PDE8B: variants seen among roughly 807,000 people sequenced by gnomAD.
PDE8B encodes high affinity cAMP-specific and IBMX-insensitive 3',5'-cyclic phosphodiesterase 8B.
In PDE8B, 26 loss-of-function variants were observed where a neutral mutation model predicts 101.3. The observed-to-expected ratio is 0.26, with a 90% CI of 0.19 to 0.36. The LOEUF is 0.36. PDE8B is among the 10% of genes least tolerant of loss of function. The probability of loss-of-function intolerance (pLI) is 1.00; values close to 1 mark genes in which losing one functional copy is unlikely to be tolerated. For synonymous variants in PDE8B, 424 were observed against 429.3 expected (o/e 0.99, Z 0.15); for missense variants, 810 against 1,163.1 (o/e 0.70, Z 4.42).
chr5:77,286,300 G>A (rs573078575), intron 1 of PDE8B, among the ~76,000 whole-genome samples: 50 of 152,310 alleles, frequency 3.3e-4, no homozygotes, highest in African/African-American at 1.2e-3. Context: ...AACAGTTCCA[G>A]GATCAGCCAG....
At chr5:77,263,764 T>G (rs888081733) in intron 1 of PDE8B, among the ~76,000 whole-genome samples, 1 of 152,196 alleles carries the variant, frequency 6.6e-6, no homozygotes, top group Non-Finnish European at 1.5e-5. Flanking sequence ...TAATTCAATT[T>G]ATTTTTATAG....
the PDE8B span, chr5:77,118,734 A>G: frequency 5.2e-6 from 1 of 190,614 alleles, no homozygotes; most frequent in East Asian, 1.2e-4. Context: ...CCAGAGGTGC[A>G]GTTTTCTGGA....
chr5:77,203,791 C>A, the PDE8B span, among the ~76,000 whole-genome samples: 1 of 152,164 alleles, frequency 6.6e-6, no homozygotes, highest in Non-Finnish European at 1.5e-5. Context: ...ACGGTAGCCA[C>A]TCAGTAAGCA....
the PDE8B span, among the ~76,000 whole-genome samples, chr5:77,202,454 T>C: frequency 3.9e-5 from 6 of 152,310 alleles, no homozygotes; most frequent in African/African-American, 1.4e-4. Flanking sequence ...TGATGATCCA[T>C]TTTCACTTAA....
At chr5:77,173,841 C>A in the PDE8B span, among the ~76,000 whole-genome samples, 1 of 151,978 alleles carries the variant, frequency 6.6e-6, no homozygotes, top group Non-Finnish European at 1.5e-5. Flanking sequence ...GCGTGGCATG[C>A]GTTTTATTTT....
At chr5:77,286,703 T>C (rs1340234248) in intron 1 of PDE8B, among the ~76,000 whole-genome samples, 5 of 152,236 alleles carry the variant, frequency 3.3e-5, no homozygotes, top group African/African-American at 1.2e-4. Flanking sequence ...TAATTAGTCA[T>C]GTATTTGCAT....
At chr5:77,174,099 C>A in the PDE8B span, among the ~76,000 whole-genome samples, 1 of 152,166 alleles carries the variant, frequency 6.6e-6, no homozygotes, top group Non-Finnish European at 1.5e-5. Context: ...GTCTGCAGGT[C>A]TCCTTCTCAG....
At chr5:77,195,054 A>G in the PDE8B span, among the ~76,000 whole-genome samples, 1 of 152,230 alleles carries the variant, frequency 6.6e-6, no homozygotes, top group Admixed American at 6.5e-5. Context: ...TTGTGCTGCT[A>G]TAACAGAATA....
At chr5:77,136,843 G>A in the PDE8B span, among the ~76,000 whole-genome samples, 1 of 152,106 alleles carries the variant, frequency 6.6e-6, no homozygotes, top group Non-Finnish European at 1.5e-5. Flanking sequence ...TTCTGGTTCA[G>A]TTTTTCCTCC....
intron 1 of PDE8B, among the ~76,000 whole-genome samples, chr5:77,311,641 G>T (rs146947559): frequency 3.9e-5 from 6 of 152,272 alleles, no homozygotes; most frequent in Admixed American, 3.9e-4. Context: ...CACATAGTAG[G>T]TGCTCAATAA....
intron 6 of PDE8B, among the ~76,000 whole-genome samples, chr5:77,342,343 T>C (rs2150372865): frequency 6.6e-6 from 1 of 152,324 alleles, no homozygotes; most frequent in East Asian, 1.9e-4. Flanking sequence ...ATTTTATGGA[T>C]GAGGAAACTG....
intron 6 of PDE8B, among the ~76,000 whole-genome samples, chr5:77,342,778 A>G (rs1423224940): frequency 6.6e-6 from 1 of 152,198 alleles, no homozygotes; most frequent in East Asian, 1.9e-4. Flanking sequence ...CACCAAGAAA[A>G]GTCCCCACTG....
At chr5:77,138,187 T>C in the PDE8B span, among the ~76,000 whole-genome samples, 1 of 152,132 alleles carries the variant, frequency 6.6e-6, no homozygotes, top group African/African-American at 2.4e-5. Context: ...GAAATAGATA[T>C]TGTCCTTGGA....
At chr5:77,221,903 C>T (rs1027882373) in intron 1 of PDE8B, among the ~76,000 whole-genome samples, 4 of 152,238 alleles carry the variant, frequency 2.6e-5, no homozygotes, top group Non-Finnish European at 2.9e-5. Flanking sequence ...TGTCCTTATT[C>T]GAAACTCATT....
chr5:77,318,761 A>G (rs577053867), intron 2 of PDE8B, among the ~76,000 whole-genome samples: 62 of 152,326 alleles, frequency 4.1e-4, no homozygotes, highest in Non-Finnish European at 6.9e-4. Context: ...TTATGCAGAC[A>G]GAGCTTATGT....
At chr5:77,401,006 CTT>C (rs2151005642) in intron 11 of PDE8B, among the ~76,000 whole-genome samples, 1 of 152,290 alleles carries the variant, frequency 6.6e-6, no homozygotes, top group South Asian at 2.1e-4. Context: ...TTTAGTCTCT[CTT>C]CTTGGTGAGG....
chr5:77,151,730 G>T, the PDE8B span, among the ~76,000 whole-genome samples: 12 of 152,180 alleles, frequency 7.9e-5, no homozygotes, highest in Admixed American at 7.8e-4. Flanking sequence ...ACTCCTTCCA[G>T]ACAGCTCACT....
At position 77,369,222 on chromosome 5, in the gene PDE8B, AAAAG is replaced by A. The variant is rs2150655777; in HGVS notation, c.1167+15819_1167+15822del. Reference sequence around the variant, plus strand: ...CTGTCTCAAAAAAAAAAAAAAAAAAAAAAGAAGAGATAGACATAAGAGATGTTTT... The same window carrying A: ...CTGTCTCAAAAAAAAAAAAAAAAAAAAAGAGATAGACATAAGAGATGTTTT... On this transcript the variant is annotated intron_variant, in intron 10 of 21. Coordinates refer to ENST00000264917, the MANE Select transcript of PDE8B (RefSeq NM_003719.5). 2.6e-5 allele frequency among the ~76,000 whole-genome samples: 4 copies of A among 151,768 alleles called. No individual in the cohort carries two copies. In the South Asian group the frequency reaches 8.3e-4, roughly 32 times the overall value.
the PDE8B span, among the ~76,000 whole-genome samples, chr5:77,189,188 C>T: frequency 6.6e-6 from 1 of 152,216 alleles, no homozygotes; most frequent in East Asian, 1.9e-4. Flanking sequence ...AGGACACTTG[C>T]TTCCCCACTC....
Sources: gnomAD v4.1 joint callset for allele counts (sites outside exome capture counted in the v4.1 genomes callset) on GRCh38, gnomAD v4.1.1 for gene constraint, MANE v1.5 for transcripts, NCBI Gene and HGNC (gene_info 2026-07-23, HGNC 2026-07-21) for gene names.